Variants in SETD1A observed in about 807,000 individuals in gnomAD.
The protein encoded by SETD1A is SET domain containing 1A, histone lysine methyltransferase, also known as histone-lysine N-methyltransferase SETD1A.
Under a neutral mutation model 149.9 loss-of-function variants are expected in SETD1A, and 29 were observed. The ratio of observed to expected loss-of-function variants is 0.19; its 90% CI spans 0.14 to 0.26. The LOEUF is 0.26. Among genes scored for constraint, SETD1A ranks in the 10% least tolerant of loss-of-function variants. The probability of loss-of-function intolerance (pLI) is 1.00; values close to 1 mark genes in which losing one functional copy is unlikely to be tolerated. For synonymous variants in SETD1A, 1,141 were observed against 968.5 expected (o/e 1.18, Z -3.31); for missense variants, 2,109 against 2,353.1 (o/e 0.90, Z 2.15).
At position 30,979,202 on chromosome 16, in the gene SETD1A, GGCCCCC is replaced by G; in HGVS notation, c.3418_3423del (p.Pro1140_Pro1141del). 6.3e-7 allele frequency: 1 copy of G among 1,584,686 alleles called. No individual in the cohort carries two copies. Among genetic ancestry groups the G allele is most frequent in the Non-Finnish European group, 8.6e-7 (1 of 1,165,578 alleles). Reference sequence around the variant, plus strand: ...CTGCGTCCCCCAGAACCACCTGCTGGGCCCCCGGCCCCTGCCCCACGCCCCGATGAG... The same window carrying G: ...CTGCGTCCCCCAGAACCACCTGCTGGGGCCCCTGCCCCACGCCCCGATGAG... On this transcript the variant is annotated inframe_deletion, in exon 14 of 19. Coordinates refer to ENST00000262519, the MANE Select transcript of SETD1A (RefSeq NM_014712.3).
In SETD1A at chr16:30,980,149, A is replaced by T; in HGVS notation, c.4363A>T (p.Ser1455Cys). 6.2e-7 allele frequency: 1 copy of T among 1,610,594 alleles called. No individual in the cohort carries two copies. The highest frequency in any genetic ancestry group is 8.5e-7 in the Non-Finnish European group (1 of 1,178,856). The change falls in exon 14 of 19, where the codon AGC becomes TGC. Residue 1455 changes from serine (S) to cysteine (C), a missense_variant. This residue lies in a region of SETD1A where 254 missense variants were observed against 409.3 expected (regional missense o/e 0.62). Coordinates refer to ENST00000262519, the MANE Select transcript of SETD1A (RefSeq NM_014712.3). The surrounding 1 kb of genome is among the most constrained non-coding windows in gnomAD (Gnocchi z 7.7). ...GTACGAGCGGCTGCTGCAGCAGACA[A>T]GCGGGGCTGACTGGCTCAACGACAC... is the stretch of plus-strand genomic sequence containing the variant. ...LTYERLLQQT[S>C]GADWLNDTHW...
chr16:30,967,153 T>A (rs959296923), intron 9 of SETD1A, 93 bp downstream of exon 9: 15 of 990,532 alleles, frequency 1.5e-5, no homozygotes, highest in Non-Finnish European at 2.2e-5. Flanking sequence ...CATGAGTGTT[T>A]GAGTTTTTTC....
chr16:30,979,988 G>GGCGCC lies in SETD1A; in HGVS notation c.4202_4203insGCGCC (p.Pro1404AlafsTer23). 2 of 1,494,258 alleles carry GGCGCC rather than the reference G, an allele frequency of 1.3e-6. No homozygotes were observed. The highest frequency in any genetic ancestry group is 1.8e-6 in the Non-Finnish European group (2 of 1,126,976). 92.6% of individuals were successfully genotyped at this position (1,494,258 alleles called of 1,614,324 possible). A position where few individuals can be genotyped will look rare whatever the true frequency, so the allele number is the denominator to read the frequency against. On this transcript the variant is annotated frameshift_variant, in exon 14 of 19. Coordinates refer to ENST00000262519, the MANE Select transcript of SETD1A (RefSeq NM_014712.3). LOFTEE classifies it high-confidence loss of function. ...AGCCTCCGCTCCCACGCCCGGCGCC[G>GGCGCC]CCGCCCTCCGCCCCCACCCCCGCCG...
chr16:30,983,811 G>T lies in SETD1A; in HGVS notation c.4950+39G>T, dbSNP rs1330997854. 3.7e-6 allele frequency: 6 copies of T among 1,611,660 alleles called. No homozygotes were observed. The highest frequency in any genetic ancestry group is 1.1e-5 in the South Asian group (1 of 90,942). The stretch of plus-strand genomic sequence containing the variant: ...CAGCCGGGGCAGGAGTTGGGGGTCG[G>T]TGGGGGTGGCCACGGCTCACACGCC... On this transcript the variant is annotated intron_variant, in intron 18 of 18. Transcript: ENST00000262519. This position sits in a 1 kb window ranked among gnomAD's most constrained non-coding sequence, Gnocchi z 6.8.
At chr16:30,981,035 A>G in intron 16 of SETD1A, 26 bp from the exon 17 acceptor site, 1 of 1,613,504 alleles carries the variant, frequency 6.2e-7, no homozygotes, top group Non-Finnish European at 8.5e-7. Flanking sequence ...GGTGTCTGGC[A>G]GTTGAGTCTC....
chr16:30,962,912 A>G (rs1002142050), intron 4 of SETD1A, among the ~76,000 whole-genome samples: 3 of 152,222 alleles, frequency 2.0e-5, no homozygotes, highest in Non-Finnish European at 4.4e-5. Flanking sequence ...CAAGCCAGAA[A>G]TTTGGGTTTT....
In SETD1A at chr16:30,979,990, C is replaced by G. The variant is rs1472617283; in HGVS notation, c.4204C>G (p.Arg1402Gly). ...RSLRSHARRR[R>G]PPPPPPPPPP... Reference sequence around the variant, plus strand: ...CCTCCGCTCCCACGCCCGGCGCCGCCGCCCTCCGCCCCCACCCCCGCCGCC... The same window carrying G: ...CCTCCGCTCCCACGCCCGGCGCCGCGGCCCTCCGCCCCCACCCCCGCCGCC... Residue 1402 changes from arginine to glycine, a missense_variant, in exon 14 of 19, where the codon CGC becomes GGC. Around this residue, in one of 8 missense-constraint regions of SETD1A, gnomAD observed 832 missense variants for 815.6 expected, o/e 1.02. Coordinates refer to ENST00000262519, the MANE Select transcript of SETD1A (RefSeq NM_014712.3). 6.8e-7 allele frequency: 1 copy of G among 1,479,260 alleles called. No individual in the cohort carries two copies. Among genetic ancestry groups the G allele is most frequent in the Non-Finnish European group, 8.9e-7 (1 of 1,120,396 alleles). The allele number at this position is 1,479,260 out of a possible 1,614,324, so 91.6% of individuals were successfully genotyped here.
chr16:30,958,164 T>TTG (rs1555488545), intron 1 of SETD1A, 200 bp downstream of exon 1: 9 of 143,684 alleles, frequency 6.3e-5, no homozygotes, highest in Admixed American at 5.4e-4. Context: ...GGAGACCTGC[T>TTG]GGGGGGGGTG....
intron 3 of SETD1A, among the ~76,000 whole-genome samples, chr16:30,960,899 C>T (rs1463800827): frequency 6.6e-6 from 1 of 151,390 alleles, no homozygotes; most frequent in Non-Finnish European, 1.5e-5. Context: ...TCACATCCAG[C>T]TAAATTTTTT....
rs781639979 is a variant in SETD1A, at chr16:30,983,438, G to T, written c.4813-197G>T. ...TGCGGGTGACTTAGAATGGCCACCAGAGGCTTAGGATGCTGCCCCAAAGAG... is the reference window on the plus strand; with the variant it reads ...TGCGGGTGACTTAGAATGGCCACCATAGGCTTAGGATGCTGCCCCAAAGAG... On this transcript the variant is annotated intron_variant, in intron 17 of 18. Transcript: ENST00000262519. The surrounding 1 kb of genome is among the most constrained non-coding windows in gnomAD (Gnocchi z 6.8). Among the ~76,000 whole-genome samples the T allele has an allele frequency of 6.6e-6, 1 of 152,202 alleles. No individual in the cohort carries two copies. Among genetic ancestry groups the T allele is most frequent in the Non-Finnish European group, 1.5e-5 (1 of 68,032 alleles).
intron 12 of SETD1A, among the ~76,000 whole-genome samples, 193 bp downstream of exon 12, chr16:30,969,882 G>A (rs942949601): frequency 6.6e-6 from 1 of 152,196 alleles, no homozygotes; most frequent in Admixed American, 6.5e-5. Flanking sequence ...TGCTCAAAAT[G>A]CTCCCTCCTG....
At chr16:30,981,219 C>G (rs1269853265) in intron 17 of SETD1A, 39 bp downstream of exon 17, 4 of 1,610,876 alleles carry the variant, frequency 2.5e-6, no homozygotes, top group Non-Finnish European at 3.4e-6. Flanking sequence ...GCTTCTGATG[C>G]AACAAGACAG....
At position 30,966,867 on chromosome 16, in the gene SETD1A, C is replaced by A; in HGVS notation, c.2506-17C>A. On this transcript the variant is annotated splice_polypyrimidine_tract_variant and intron_variant, in intron 8 of 18. Coordinates refer to ENST00000262519, the MANE Select transcript of SETD1A (RefSeq NM_014712.3). Reference sequence around the variant, plus strand: ...TGGGTTCTGGGCGCTGGGGCTCAGCCCCACTGCTGCCTGCAGCCATTCCAG... The same window carrying A: ...TGGGTTCTGGGCGCTGGGGCTCAGCACCACTGCTGCCTGCAGCCATTCCAG... 1 of 1,541,260 alleles carries A rather than the reference C, an allele frequency of 6.5e-7. No homozygotes were observed. Among genetic ancestry groups the A allele is most frequent in the Non-Finnish European group, 8.8e-7 (1 of 1,142,018 alleles).
chr16:30,965,193 A>G lies in SETD1A; in HGVS notation c.1451A>G (p.Gln484Arg). The G allele has an allele frequency of 6.2e-7, 1 of 1,614,060 alleles. No homozygotes were observed. Among genetic ancestry groups the G allele is most frequent in the Non-Finnish European group, 8.5e-7 (1 of 1,180,022 alleles). ...ACCAATGAGAGTGTGCCCTTCGCCC[A>G]GCACAGCAGCCTGGATTCCCGCATC... Reference protein sequence around the residue: ...ETTNESVPFAQHSSLDSRIEM... With the variant: ...ETTNESVPFARHSSLDSRIEM... The change falls in exon 7 of 19, where the codon CAG becomes CGG. Residue 484 changes from glutamine to arginine, a missense_variant. Transcript: ENST00000262519.
At chr16:30,981,923 C>T (rs1405700036) in intron 17 of SETD1A, among the ~76,000 whole-genome samples, 2 of 152,118 alleles carry the variant, frequency 1.3e-5, no homozygotes, top group Non-Finnish European at 2.9e-5. Context: ...TGCACTCCAG[C>T]CTGGGCAACA....
In SETD1A at chr16:30,961,815, A is replaced by G. The variant is rs1055459073; in HGVS notation, c.517+278A>G. Among the ~76,000 whole-genome samples, 1 of 151,964 alleles carries G rather than the reference A, an allele frequency of 6.6e-6. No individual in the cohort carries two copies. Among genetic ancestry groups the G allele is most frequent in the Non-Finnish European group, 1.5e-5 (1 of 67,992 alleles). ...ATGAAGGGTTGTACTAGGTAAGATG[A>G]ATAGATTGTAGTAAATCAGCCCAGG... On this transcript the variant is annotated intron_variant, in intron 4 of 18. Transcript: ENST00000262519. The surrounding 1 kb of genome is among the most constrained non-coding windows in gnomAD (Gnocchi z 4.0).
intron 17 of SETD1A, among the ~76,000 whole-genome samples, chr16:30,982,465 C>T (rs1241527073): frequency 6.6e-6 from 1 of 151,052 alleles, no homozygotes; most frequent in African/African-American, 2.4e-5. Context: ...CGCGCCATTG[C>T]ACTCCAGCCT....
chr16:30,966,967 C>A lies in SETD1A; in HGVS notation c.2589C>A (p.Leu863=). 6.3e-7 allele frequency: 1 copy of A among 1,588,554 alleles called. No individual in the cohort carries two copies. The highest frequency in any genetic ancestry group is 8.6e-7 in the Non-Finnish European group (1 of 1,168,028). Residue 863 remains leucine, a synonymous_variant, in exon 9 of 19, where the codon CTC becomes CTA. Coordinates refer to ENST00000262519, the MANE Select transcript of SETD1A (RefSeq NM_014712.3). ...TKLKEPGLLS[L]VDWAKSGGTT... ...TGAAGGAGCCTGGCCTGCTGTCCCT[C>A]GTGGACTGGGCCAAGAGCGGGGGCA...
Position 30,984,280 on chromosome 16 carries a change from C to G in SETD1A, c.*257C>G. ...GTAAATGTTTTGTAGCAGCCAGCAGCTGTTTCCTGTGGAAACCTGGGGTGC... is the reference window on the plus strand; with the variant it reads ...GTAAATGTTTTGTAGCAGCCAGCAGGTGTTTCCTGTGGAAACCTGGGGTGC... On this transcript the variant is annotated 3_prime_UTR_variant, in exon 19 of 19. Coordinates refer to ENST00000262519, the MANE Select transcript of SETD1A (RefSeq NM_014712.3). 2.0e-6 allele frequency: 1 copy of G among 497,716 alleles called. No homozygotes were observed. Among genetic ancestry groups the G allele is most frequent in the Non-Finnish European group, 3.6e-6 (1 of 275,612 alleles). 30.8% of individuals were successfully genotyped at this position (497,716 alleles called of 1,614,324 possible). A position where few individuals can be genotyped will look rare whatever the true frequency, so the allele number is the denominator to read the frequency against.
Sources: gnomAD v4.1 joint callset for allele counts (sites outside exome capture counted in the v4.1 genomes callset) on GRCh38, gnomAD v4.1.1 for gene constraint, gnomAD v4.1.1 regional missense constraint, Gnocchi (gnomAD v3.1) non-coding constraint, MANE v1.5 for transcripts, NCBI Gene and HGNC (gene_info 2026-07-23, HGNC 2026-07-21) for gene names.